SLC25A26: variants seen among roughly 807,000 people sequenced by gnomAD.
The protein encoded by SLC25A26 is solute carrier family 25 member 26, also known as mitochondrial S-adenosylmethionine carrier protein.
Under a neutral mutation model 37.8 loss-of-function variants are expected in SLC25A26, and 36 were observed. The ratio of observed to expected loss-of-function variants is 0.95; its 90% CI spans 0.73 to 1.26. The LOEUF (loss-of-function observed/expected upper bound fraction) is 1.26. Among genes scored for constraint, SLC25A26 ranks in the 50% most tolerant of loss-of-function variants. The pLI is 0.00. For missense variants in SLC25A26, 390 were observed against 331.1 expected, an observed-to-expected ratio of 1.18 and a Z score of -1.38; for synonymous variants, 129 against 122.5, an observed-to-expected ratio of 1.05 and a Z score of -0.35.
chr3:66,325,747 C>T (rs1354571115), intron 5 of SLC25A26, among the ~76,000 whole-genome samples: 1 of 152,170 alleles, frequency 6.6e-6, no homozygotes, highest in Non-Finnish European at 1.5e-5. Context: ...GGGAAATGAG[C>T]CAGCGCATGC....
intron 5 of SLC25A26, among the ~76,000 whole-genome samples, chr3:66,310,863 T>C (rs1036076999): frequency 5.9e-5 from 9 of 152,222 alleles, no homozygotes; most frequent in African/African-American, 2.2e-4. Flanking sequence ...AGAGATCTGC[T>C]GTTAGTCTGA....
At chr3:66,197,995 A>C (rs2071066848) in intron 1 of SLC25A26, among the ~76,000 whole-genome samples, 3 of 152,066 alleles carry the variant, frequency 2.0e-5, no homozygotes, top group African/African-American at 7.2e-5. Flanking sequence ...GATAAGGTTA[A>C]GGGTGAGTGT....
chr3:66,281,330 AGGCAATCTATGC>A (rs2074328897), intron 5 of SLC25A26, among the ~76,000 whole-genome samples: 1 of 151,088 alleles, frequency 6.6e-6, no homozygotes, highest in African/African-American at 2.5e-5. Context: ...TGATGTTAAG[AGGCAATCTATGC>A]GGTAATATTT....
chr3:66,255,653 T>C (rs1273107066), intron 3 of SLC25A26, among the ~76,000 whole-genome samples: 1 of 152,198 alleles, frequency 6.6e-6, no homozygotes, highest in Non-Finnish European at 1.5e-5. Flanking sequence ...CTTTACAGAA[T>C]GGATTTACCA....
intron 1 of SLC25A26, among the ~76,000 whole-genome samples, chr3:66,160,601 A>G (rs931329204): frequency 5.9e-5 from 9 of 152,242 alleles, no homozygotes; most frequent in African/African-American, 2.2e-4. Flanking sequence ...ACAAAACTTT[A>G]ATTGACATAT....
At chr3:66,362,535 G>T (rs766673926) in intron 6 of SLC25A26, among the ~76,000 whole-genome samples, 3 of 152,202 alleles carry the variant, frequency 2.0e-5, no homozygotes, top group African/African-American at 4.8e-5. Flanking sequence ...GGAAGGAGGG[G>T]TTACATAGGG....
chr3:66,362,780 A>T, intron 6 of SLC25A26, 80 bp from the exon 7 acceptor site: 7 of 899,488 alleles, frequency 7.8e-6, no homozygotes, highest in Non-Finnish European at 1.1e-5. Flanking sequence ...TTAAGTTCCC[A>T]TCCCCAGAGC....
chr3:66,286,433 A>T (rs1414680572), intron 5 of SLC25A26, among the ~76,000 whole-genome samples: 2 of 152,176 alleles, frequency 1.3e-5, no homozygotes, highest in African/African-American at 4.8e-5. Flanking sequence ...TTATTCTAAC[A>T]GCATTTGTTG....
chr3:66,356,999 T>A (rs548077277), intron 6 of SLC25A26, among the ~76,000 whole-genome samples: 3 of 152,316 alleles, frequency 2.0e-5, no homozygotes, highest in African/African-American at 7.2e-5. Context: ...TACAACCTAG[T>A]AGACATGGTT....
chr3:66,208,486 G>C (rs1053885317), intron 1 of SLC25A26, among the ~76,000 whole-genome samples: 5 of 151,768 alleles, frequency 3.3e-5, no homozygotes, highest in Admixed American at 1.3e-4. Context: ...CATTCAAGTT[G>C]ACATTCTTTG....
At chr3:66,319,823 C>T (rs9860357) in intron 5 of SLC25A26, among the ~76,000 whole-genome samples, 3 of 144,464 alleles carry the variant, frequency 2.1e-5, no homozygotes, top group Non-Finnish European at 3.0e-5. Flanking sequence ...GTGTGATCTC[C>T]GCTCACCGCA....
At chr3:66,374,894 T>G (rs1030222279) in intron 9 of SLC25A26, among the ~76,000 whole-genome samples, 2 of 151,178 alleles carry the variant, frequency 1.3e-5, no homozygotes, top group African/African-American at 4.9e-5. Context: ...AAAAAATTAA[T>G]TAATTAAAAA....
intron 3 of SLC25A26, among the ~76,000 whole-genome samples, chr3:66,260,733 C>T (rs1374202245): frequency 1.3e-5 from 2 of 152,150 alleles, no homozygotes. Flanking sequence ...GGCAAGCTGT[C>T]ACCTGTTTTT....
At chr3:66,365,201 A>G (rs572279364) in intron 7 of SLC25A26, among the ~76,000 whole-genome samples, 1 of 152,338 alleles carries the variant, frequency 6.6e-6, no homozygotes, top group South Asian at 2.1e-4. Flanking sequence ...AAAAGCAGTG[A>G]TGAAACTTGC....
At chr3:66,331,225 C>G (rs1479880233) in intron 5 of SLC25A26, among the ~76,000 whole-genome samples, 1 of 152,012 alleles carries the variant, frequency 6.6e-6, no homozygotes, top group African/African-American at 2.4e-5. Context: ...CGTGTTTCCA[C>G]CAAGTTATTT....
At chr3:66,178,538 G>A (rs963621850) in intron 1 of SLC25A26, among the ~76,000 whole-genome samples, 9 of 152,054 alleles carry the variant, frequency 5.9e-5, no homozygotes, top group South Asian at 2.1e-4. Context: ...ACTGCCCACC[G>A]CCCCACTTCC....
chr3:66,290,307 T>G (rs2074661909), intron 5 of SLC25A26, among the ~76,000 whole-genome samples: 1 of 152,160 alleles, frequency 6.6e-6, no homozygotes, highest in South Asian at 2.1e-4. Flanking sequence ...ACCGTTTATT[T>G]GTTTCTCTTG....
rs192513229 is a variant in SLC25A26, at chr3:66,180,434, C to T, written c.-353-40308C>T. ...GGAAGTGATTTCAAAACTCTTGACT[C>T]CTTCAGACCCACCAGCATCAGAAAC... On this transcript the variant is annotated intron_variant, in intron 1 of 10. Transcript: ENST00000676754. Among the ~76,000 whole-genome samples the T allele has an allele frequency of 3.2e-3, 481 of 152,310 alleles. 3 individuals carry two copies. The highest frequency in any genetic ancestry group is 0.011 in the African/African-American group (465 of 41,568).
chr3:66,328,378 C>T (rs932833653), intron 5 of SLC25A26, among the ~76,000 whole-genome samples: 3 of 152,112 alleles, frequency 2.0e-5, no homozygotes, highest in African/African-American at 7.2e-5. Context: ...AGTGTTAGAC[C>T]TTCATAGTCA....
Sources: allele counts gnomAD v4.1 joint callset (sites outside exome capture counted in the v4.1 genomes callset), GRCh38; gene constraint gnomAD v4.1.1; transcripts MANE v1.5; gene names NCBI Gene and HGNC (gene_info 2026-07-23, HGNC 2026-07-21).